RHNO1: variants seen among roughly 807,000 people sequenced by gnomAD.
RHNO1 encodes the protein RAD9-HUS1-RAD1 interacting nuclear orphan 1, also known as RAD9, HUS1, RAD1-interacting nuclear orphan protein 1.
Under a neutral mutation model 7.2 loss-of-function variants are expected in RHNO1, and 9 were observed. The ratio of observed to expected loss-of-function variants is 1.25; its 90% CI spans 0.75 to 2.18. The LOEUF is 2.18. Ranked by LOEUF, RHNO1 falls within the 30% of genes most tolerant of loss-of-function variation. The pLI, the probability that RHNO1 is intolerant of heterozygous loss-of-function variation, is 0.00. For missense variants in RHNO1, 292 were observed against 284.5 expected, an observed-to-expected ratio of 1.03 and a Z score of -0.19; for synonymous variants, 95 against 107.5, an observed-to-expected ratio of 0.88 and a Z score of 0.72.
intron 1 of RHNO1, among the ~76,000 whole-genome samples, chr12:2,883,223 C>G (rs937603750): frequency 6.6e-6 from 1 of 150,414 alleles, no homozygotes; most frequent in Non-Finnish European, 1.5e-5. Flanking sequence ...TACAAAAATA[C>G]GAAAATTAGC....
intron 1 of RHNO1, among the ~76,000 whole-genome samples, chr12:2,878,657 G>A (rs893566108): frequency 1.3e-5 from 2 of 151,968 alleles, no homozygotes; most frequent in Non-Finnish European, 2.9e-5. Flanking sequence ...CTCCAGGCAA[G>A]AACTGCTGGA....
chr12:2,888,608 A>G lies in RHNO1; in HGVS notation c.*149A>G, dbSNP rs201886525. The G allele has an allele frequency of 2.5e-4, 144 of 567,826 alleles. 1 individual carries two copies. In the East Asian group the frequency reaches 3.7e-3, roughly 14 times the overall value. 35.2% of individuals were successfully genotyped at this position (567,826 alleles called of 1,614,324 possible). ...AGTGGTATGATCTCACCTTACTGCAACCACCACTTCCTGGGTTCAAGCGAT... is the reference window on the plus strand; with the variant it reads ...AGTGGTATGATCTCACCTTACTGCAGCCACCACTTCCTGGGTTCAAGCGAT... On this transcript the variant is annotated 3_prime_UTR_variant, in exon 3 of 3. Transcript: ENST00000489288.
At chr12:2,881,581 T>G (rs1772143397) in intron 1 of RHNO1, among the ~76,000 whole-genome samples, 1 of 152,074 alleles carries the variant, frequency 6.6e-6, no homozygotes, top group African/African-American at 2.4e-5. Flanking sequence ...TATATATTTT[T>G]TGTGTTTTCT....
rs574770450 is a variant in RHNO1 at position 2,884,002 on chromosome 12, G to T, written c.-84-1281G>T. On this transcript the variant is annotated intron_variant, in intron 1 of 2. Coordinates refer to ENST00000489288, the MANE Select transcript of RHNO1 (RefSeq NM_001252499.3). ...TGAAAAATTTTTTAAAAGCCAGGTG[G>T]GATCAAATTCTTCTGCTTAAAGTCC... 1.4e-4 allele frequency among the ~76,000 whole-genome samples: 21 copies of T among 152,028 alleles called. 1 individual carries two copies. Among genetic ancestry groups the T allele is most frequent in the African/African-American group, 5.1e-4 (21 of 41,418 alleles).
intron 2 of RHNO1, among the ~76,000 whole-genome samples, chr12:2,887,521 C>A (rs1002435928): frequency 6.6e-6 from 1 of 150,426 alleles, no homozygotes; most frequent in African/African-American, 2.4e-5. Flanking sequence ...TGGTGGCAGG[C>A]GCCTGTAGTC....
At chr12:2,885,141 TG>T (rs2098163677) in intron 1 of RHNO1, 141 bp from the exon 2 acceptor site, 1 of 484,198 alleles carries the variant, frequency 2.1e-6, no homozygotes, top group Non-Finnish European at 3.7e-6. Context: ...ATGAATATTG[TG>T]TTTTGCTTGG....
intron 1 of RHNO1, 190 bp from the exon 2 acceptor site, chr12:2,885,093 C>T: frequency 2.6e-6 from 1 of 387,656 alleles, no homozygotes. Flanking sequence ...TGACACTTAG[C>T]ACATACTCAA....
chr12:2,885,681 TCTC>T (rs1396807838), intron 2 of RHNO1, 147 bp downstream of exon 2: 2 of 638,988 alleles, frequency 3.1e-6, no homozygotes, highest in East Asian at 6.6e-5. Context: ...TTCACACCAT[TCTC>T]CTGCCTCAGC....
In RHNO1 at chr12:2,889,413, A is replaced by C. The variant is rs1027038278; in HGVS notation, c.*954A>C. 3 of 152,214 alleles carry C rather than the reference A, an allele frequency of 2.0e-5. No homozygotes were observed. The highest frequency in any genetic ancestry group is 4.4e-5 in the Non-Finnish European group (3 of 68,044). The allele number at this position is 152,214 out of a possible 1,614,324, so 9.4% of individuals were successfully genotyped here. On this transcript the variant is annotated 3_prime_UTR_variant, in exon 3 of 3. Transcript: ENST00000489288. ...CTGTGTGTAAATAAGGAAAGTTTTC[A>C]ATGAGTATTACTTATTGTAATTAAT...
At chr12:2,880,433 G>A (rs1223576568) in intron 1 of RHNO1, among the ~76,000 whole-genome samples, 3 of 151,792 alleles carry the variant, frequency 2.0e-5, no homozygotes, top group African/African-American at 7.3e-5. Flanking sequence ...TCTGGCCAAC[G>A]TGGTGAAACC....
At chr12:2,884,092 G>A (rs951907830) in intron 1 of RHNO1, among the ~76,000 whole-genome samples, 7 of 151,706 alleles carry the variant, frequency 4.6e-5, no homozygotes, top group African/African-American at 1.7e-4. Flanking sequence ...GACGAGTCTC[G>A]CTTTGTCTCC....
In RHNO1 at chr12:2,885,560, CATTT is replaced by C. The variant is rs2098164477; in HGVS notation, c.168+27_168+30del. The C allele has an allele frequency of 5.9e-4, 432 of 737,484 alleles. 13 individuals are homozygous for C. Among genetic ancestry groups the C allele is most frequent in the Middle Eastern group, 1.3e-3 (3 of 2,362 alleles). 45.7% of individuals were successfully genotyped at this position (737,484 alleles called of 1,614,324 possible). A position where few individuals can be genotyped will look rare whatever the true frequency, so the allele number is the denominator to read the frequency against. On this transcript the variant is annotated intron_variant, in intron 2 of 2. Transcript: ENST00000489288. ...GTAGGCCCATGGGATTACTATTTGA[CATTT>C]TTTTTTTTTTTTTTTTTTTTTTTTT...
intron 1 of RHNO1, among the ~76,000 whole-genome samples, chr12:2,884,591 G>A (rs953424527): frequency 6.6e-6 from 1 of 151,202 alleles, no homozygotes; most frequent in African/African-American, 2.4e-5. Context: ...TCAAACTCCT[G>A]ACCTCAGGTG....
chr12:2,884,213 A>AG (rs2098162632), intron 1 of RHNO1, among the ~76,000 whole-genome samples: 1 of 150,722 alleles, frequency 6.6e-6, no homozygotes, highest in African/African-American at 2.5e-5. Context: ...GGCATGCACC[A>AG]CCACACCCGG....
At chr12:2,882,129 C>A (rs2098158586) in intron 1 of RHNO1, among the ~76,000 whole-genome samples, 1 of 151,408 alleles carries the variant, frequency 6.6e-6, no homozygotes, top group African/African-American at 2.4e-5. Flanking sequence ...CCCACCATTC[C>A]ACCAAAGAAG....
chr12:2,888,505 CAT>C lies in RHNO1; in HGVS notation c.*48_*49del, dbSNP rs1432856185. ...AGAAAAGAGATATGTTTTCTGGAGT[CAT>C]AAAGGAATTCAATTCCTAGGGTTTT... On this transcript the variant is annotated 3_prime_UTR_variant, in exon 3 of 3. Coordinates refer to ENST00000489288, the MANE Select transcript of RHNO1 (RefSeq NM_001252499.3). 5.4e-6 allele frequency: 8 copies of C among 1,474,868 alleles called. No individual in the cohort carries two copies. Among genetic ancestry groups the C allele is most frequent in the Non-Finnish European group, 7.2e-6 (8 of 1,104,628 alleles). The allele number at this position is 1,474,868 out of a possible 1,614,324, so 91.4% of individuals were successfully genotyped here. A position where few individuals can be genotyped will look rare whatever the true frequency, so the allele number is the denominator to read the frequency against.
intron 1 of RHNO1, among the ~76,000 whole-genome samples, chr12:2,877,600 C>T (rs2098148952): frequency 6.6e-6 from 1 of 151,932 alleles, no homozygotes; most frequent in African/African-American, 2.4e-5. Context: ...GACTAAGTTC[C>T]TTTGAGGGCT....
Position 2,888,362 on chromosome 12 carries a change from A to C in RHNO1, c.620A>C (p.Tyr207Ser). 2 of 1,614,184 alleles carry C rather than the reference A, an allele frequency of 1.2e-6. No individual in the cohort carries two copies. The highest frequency in any genetic ancestry group is 2.2e-5 in the South Asian group (2 of 91,084). The change falls in exon 3 of 3, where the codon TAT (tyrosine) becomes TCT (serine). Residue 207 changes from tyrosine to serine, a missense_variant. Physicochemically the swap from Tyr to Ser is moderately radical, Grantham distance 144. Coordinates refer to ENST00000489288, the MANE Select transcript of RHNO1 (RefSeq NM_001252499.3). ...GTTAAAGACACCCCCGAGGACAAGTATGGAATAAAGGTCACATGGAGGAGA... is the reference window on the plus strand; with the variant it reads ...GTTAAAGACACCCCCGAGGACAAGTCTGGAATAAAGGTCACATGGAGGAGA... ...VLVKDTPEDKYGIKVTWRRRQ... is the reference protein window; with the variant it reads ...VLVKDTPEDKSGIKVTWRRRQ...
intron 1 of RHNO1, among the ~76,000 whole-genome samples, chr12:2,884,285 G>A (rs1482989159): frequency 2.6e-5 from 4 of 152,212 alleles, no homozygotes; most frequent in African/African-American, 9.6e-5. Flanking sequence ...CCAGGCTGGA[G>A]TGCAGTTGCG....
Sources: gnomAD v4.1 joint callset for allele counts (sites outside exome capture counted in the v4.1 genomes callset) on GRCh38, gnomAD v4.1.1 for gene constraint, MANE v1.5 for transcripts, NCBI Gene and HGNC (gene_info 2026-07-23, HGNC 2026-07-21) for gene names.